Variants in ITGBL1 observed in about 807,000 individuals in gnomAD.
ITGBL1 encodes integrin subunit beta like 1.
ITGBL1 carries 51 observed loss-of-function variants against 68.5 expected under a neutral mutation model. The ratio of observed to expected loss-of-function variants is 0.74; its 90% confidence interval spans 0.59 to 0.94. The LOEUF (loss-of-function observed/expected upper bound fraction) is 0.94, where lower values mean the gene tolerates loss of function less well. Ranked by LOEUF, ITGBL1 falls within the 40% of genes least tolerant of loss-of-function variation. The pLI, the probability that ITGBL1 is intolerant of heterozygous loss-of-function variation, is 0.00. For missense variants in ITGBL1, 649 were observed against 647.4 expected, an observed-to-expected ratio of 1.00 and a Z score of -0.03; for synonymous variants, 209 against 227.3, an observed-to-expected ratio of 0.92 and a Z score of 0.72.
At chr13:101,691,196 A>C (rs1430771615) in intron 7 of ITGBL1, among the ~76,000 whole-genome samples, 1 of 152,138 alleles carries the variant, frequency 6.6e-6, no homozygotes, top group Admixed American at 6.5e-5. Context: ...GGAAGAGGGA[A>C]TATCGTTGAA....
chr13:101,582,134 T>C (rs1201646892), intron 5 of ITGBL1, among the ~76,000 whole-genome samples: 9 of 152,224 alleles, frequency 5.9e-5, no homozygotes, highest in Non-Finnish European at 1.2e-4. Context: ...TATTAATCCT[T>C]TATATATTCA....
At position 101,653,996 on chromosome 13, in the gene ITGBL1, C is replaced by T. The variant is rs546441122; in HGVS notation, c.1016-38589C>T. Among the ~76,000 whole-genome samples the T allele has an allele frequency of 1.0e-3, 157 of 151,900 alleles. 1 individual carries two copies. The highest frequency in any genetic ancestry group is 3.6e-3 in the African/African-American group (150 of 41,412). ...AAGTGCTGGGATTACAGGCATGAGCCACTGTGCCTGGCCTGAGAAGGCTTC... is the reference window on the plus strand; with the variant it reads ...AAGTGCTGGGATTACAGGCATGAGCTACTGTGCCTGGCCTGAGAAGGCTTC... On this transcript the variant is annotated intron_variant, in intron 7 of 10. Transcript: ENST00000376180.
At chr13:101,664,514 G>A (rs1185023284) in intron 7 of ITGBL1, among the ~76,000 whole-genome samples, 4 of 151,814 alleles carry the variant, frequency 2.6e-5, no homozygotes, top group Non-Finnish European at 4.4e-5. Flanking sequence ...TTTTATTTAT[G>A]TCTATAATGT....
chr13:101,467,879 A>T (rs968017408), intron 2 of ITGBL1, among the ~76,000 whole-genome samples: 5 of 149,572 alleles, frequency 3.3e-5, no homozygotes, highest in African/African-American at 1.2e-4. Context: ...GGTAGGCTAA[A>T]TTTTTTTTTT....
At chr13:101,582,819 A>T (rs1045805225) in intron 5 of ITGBL1, among the ~76,000 whole-genome samples, 3 of 152,162 alleles carry the variant, frequency 2.0e-5, no homozygotes, top group African/African-American at 7.2e-5. Flanking sequence ...TAGAGCATTC[A>T]TGTCTTAGTT....
At chr13:101,489,678 G>A (rs2048748303) in intron 2 of ITGBL1, among the ~76,000 whole-genome samples, 1 of 152,018 alleles carries the variant, frequency 6.6e-6, no homozygotes, top group Non-Finnish European at 1.5e-5. Flanking sequence ...AATAACATTT[G>A]GTAAGATCCA....
intron 2 of ITGBL1, among the ~76,000 whole-genome samples, chr13:101,546,908 C>A (rs1057127985): frequency 4.6e-5 from 7 of 151,782 alleles, no homozygotes; most frequent in Non-Finnish European, 4.4e-5. Flanking sequence ...AGTAGCATAG[C>A]AATGTGAAGG....
At chr13:101,584,941 G>A (rs1037620193) in intron 6 of ITGBL1, among the ~76,000 whole-genome samples, 2 of 151,784 alleles carry the variant, frequency 1.3e-5, no homozygotes, top group Admixed American at 1.3e-4. Flanking sequence ...AAATAGGCTT[G>A]CAGGTAAAGA....
chr13:101,536,711 TTC>T (rs560786061), intron 2 of ITGBL1, among the ~76,000 whole-genome samples: 162 of 152,088 alleles, frequency 1.1e-3, no homozygotes, highest in African/African-American at 3.3e-3. Flanking sequence ...TCATAAAGAC[TTC>T]TGAGTAAATT....
chr13:101,471,812 C>A (rs116395215), intron 2 of ITGBL1, among the ~76,000 whole-genome samples: 1,996 of 151,982 alleles, frequency 0.013, 47 homozygotes, highest in African/African-American at 0.045. Flanking sequence ...GCAAAAGGAG[C>A]CACAGGCCCA....
intron 7 of ITGBL1, among the ~76,000 whole-genome samples, chr13:101,605,789 CGT>C (rs1566754389): frequency 1.3e-3 from 3 of 2,318 alleles, no homozygotes; most frequent in African/African-American, 1.6e-3. Flanking sequence ...TATGTATGTG[CGT>C]ATATGTACTC....
intron 7 of ITGBL1, among the ~76,000 whole-genome samples, chr13:101,604,009 G>A (rs1397460842): frequency 6.6e-6 from 1 of 151,800 alleles, no homozygotes. Context: ...AACCAATAGG[G>A]ATATGCACTT....
At chr13:101,495,396 T>C (rs1195385793) in intron 2 of ITGBL1, among the ~76,000 whole-genome samples, 1 of 152,144 alleles carries the variant, frequency 6.6e-6, no homozygotes, top group East Asian at 1.9e-4. Flanking sequence ...AGACACACGG[T>C]CAACCCCACA....
At chr13:101,547,363 T>G (rs1223491335) in intron 2 of ITGBL1, among the ~76,000 whole-genome samples, 1 of 151,928 alleles carries the variant, frequency 6.6e-6, no homozygotes, top group Non-Finnish European at 1.5e-5. Flanking sequence ...TTAGTCCTTC[T>G]CCTTTTCTAA....
intron 2 of ITGBL1, among the ~76,000 whole-genome samples, chr13:101,534,757 G>A (rs751801530): frequency 2.0e-5 from 3 of 152,130 alleles, no homozygotes; most frequent in Non-Finnish European, 4.4e-5. Flanking sequence ...AGGCCGTAAA[G>A]GGCTTATTAA....
At chr13:101,645,259 C>T (rs763195662) in intron 7 of ITGBL1, among the ~76,000 whole-genome samples, 27 of 152,174 alleles carry the variant, frequency 1.8e-4, no homozygotes, top group East Asian at 1.9e-4. Flanking sequence ...GTCATCCCTG[C>T]GTCTCAGGAA....
chr13:101,615,877 T>A (rs1170237881), intron 7 of ITGBL1, among the ~76,000 whole-genome samples: 1 of 152,156 alleles, frequency 6.6e-6, no homozygotes, highest in African/African-American at 2.4e-5. Flanking sequence ...GAGGACACAG[T>A]GAGAAGGTGC....
intron 2 of ITGBL1, among the ~76,000 whole-genome samples, chr13:101,506,253 A>T (rs150341085): frequency 3.5e-4 from 54 of 152,238 alleles, no homozygotes; most frequent in African/African-American, 1.3e-3. Flanking sequence ...ACCAGGAGGC[A>T]TATCTCTCTA....
At chr13:101,453,478 G>C (rs1292974388) in intron 1 of ITGBL1, among the ~76,000 whole-genome samples, 1 of 152,240 alleles carries the variant, frequency 6.6e-6, no homozygotes, top group Non-Finnish European at 1.5e-5. Context: ...CCATCAGATA[G>C]CAGTGGGACG....
Sources: gnomAD v4.1 joint callset for allele counts (sites outside exome capture counted in the v4.1 genomes callset) on GRCh38, gnomAD v4.1.1 for gene constraint, MANE v1.5 for transcripts, NCBI Gene and HGNC (gene_info 2026-07-23, HGNC 2026-07-21) for gene names.